SRPK2: variants seen among roughly 807,000 people sequenced by gnomAD.
The protein encoded by SRPK2 is SRSF protein kinase 2, also known as SFRS protein kinase 2.
Under a neutral mutation model 90.8 loss-of-function variants are expected in SRPK2, and 21 were observed. The observed-to-expected ratio is 0.23, with a 90% CI of 0.16 to 0.33. The LOEUF (loss-of-function observed/expected upper bound fraction) is 0.33, where lower values mean the gene tolerates loss of function less well. Among genes scored for constraint, SRPK2 ranks in the 10% least tolerant of loss-of-function variants. SRPK2 has a pLI of 1.00. For missense variants in SRPK2, 620 were observed against 869.0 expected (o/e 0.71, Z 3.60); for synonymous variants, 288 against 311.1 (o/e 0.93, Z 0.78).
chr7:105,315,421 G>T (rs559124959), intron 2 of SRPK2, among the ~76,000 whole-genome samples: 2 of 152,336 alleles, frequency 1.3e-5, no homozygotes, highest in South Asian at 4.1e-4. Flanking sequence ...AGCTGAACTA[G>T]ATAAGTGGTT....
chr7:105,193,601 C>G (rs1253551016), intron 3 of SRPK2, among the ~76,000 whole-genome samples: 1 of 152,014 alleles, frequency 6.6e-6, no homozygotes, highest in Non-Finnish European at 1.5e-5. Flanking sequence ...GGAATTGCAC[C>G]GAATTTGTAG....
chr7:105,391,582 G>A (rs1353874631), upstream of SRPK2, among the ~76,000 whole-genome samples: 2 of 152,100 alleles, frequency 1.3e-5, no homozygotes, highest in African/African-American at 4.8e-5. Context: ...GGCTGAGGCT[G>A]GAGGATCATC....
intron 7 of SRPK2, among the ~76,000 whole-genome samples, chr7:105,150,082 G>A (rs1805410850): frequency 6.6e-6 from 1 of 152,078 alleles, no homozygotes; most frequent in African/African-American, 2.4e-5. Flanking sequence ...CATGGGCATG[G>A]CAAATATGAT....
At chr7:105,372,522 C>A (rs1171418600) in intron 2 of SRPK2, among the ~76,000 whole-genome samples, 3 of 152,080 alleles carry the variant, frequency 2.0e-5, no homozygotes, top group South Asian at 2.1e-4. Flanking sequence ...TGGAGACATA[C>A]ACAACAACCA....
At chr7:105,243,084 C>G (rs1801034907) in intron 2 of SRPK2, among the ~76,000 whole-genome samples, 1 of 152,160 alleles carries the variant, frequency 6.6e-6, no homozygotes, top group African/African-American at 2.4e-5. Context: ...TCACCGTAGA[C>G]TCCAACTCCT....
intron 2 of SRPK2, among the ~76,000 whole-genome samples, chr7:105,308,620 C>CT (rs1307523791): frequency 6.6e-6 from 1 of 152,150 alleles, no homozygotes; most frequent in African/African-American, 2.4e-5. Context: ...TCTGCAGTTC[C>CT]TAAAGCACCC....
chr7:105,213,492 C>T (rs982040351), intron 2 of SRPK2, among the ~76,000 whole-genome samples: 2 of 151,396 alleles, frequency 1.3e-5, no homozygotes, highest in Non-Finnish European at 1.5e-5. Flanking sequence ...AGGGAAGAGC[C>T]CAGTTCAAAG....
intron 3 of SRPK2, among the ~76,000 whole-genome samples, chr7:105,178,278 A>G (rs897325350): frequency 1.3e-5 from 2 of 152,238 alleles, no homozygotes; most frequent in African/African-American, 2.4e-5. Flanking sequence ...AGCACTTAGT[A>G]GCAACCAAAA....
rs1226288339 is a variant in SRPK2 at position 105,174,136 on chromosome 7, A to C, written c.230-4871T>G. On this transcript the variant is annotated intron_variant, in intron 3 of 15. Coordinates refer to ENST00000393651, the MANE Select transcript of SRPK2 (RefSeq NM_182692.3). ...ACAAACACAAAGAGAACAAGAACAA[A>C]CTGTTAAGTAACCATTAAATTCATT... is the stretch of plus-strand genomic sequence containing the variant. Among the ~76,000 whole-genome samples the C allele has an allele frequency of 4.0e-5, 6 of 151,776 alleles. No homozygotes were observed. In the East Asian group the frequency reaches 1.2e-3, roughly 29 times the overall value.
At chr7:105,350,352 G>A (rs557482861) in intron 2 of SRPK2, among the ~76,000 whole-genome samples, 12 of 150,304 alleles carry the variant, frequency 8.0e-5, no homozygotes, top group African/African-American at 2.0e-4. Flanking sequence ...GGATGTTCTC[G>A]ATCTCCTGAA....
At chr7:105,397,941 C>T (rs1822377234) in intron 1 of SRPK2, among the ~76,000 whole-genome samples, 1 of 152,146 alleles carries the variant, frequency 6.6e-6, no homozygotes, top group South Asian at 2.1e-4. Flanking sequence ...AACCACCGCA[C>T]CCAACCGGTT....
intron 2 of SRPK2, among the ~76,000 whole-genome samples, chr7:105,343,877 C>T (rs1816128057): frequency 6.6e-6 from 1 of 152,110 alleles, no homozygotes; most frequent in African/African-American, 2.4e-5. Context: ...ATTCTCCTGC[C>T]TCAGCCTCCC....
chr7:105,194,933 C>A (rs1412208017), intron 3 of SRPK2, among the ~76,000 whole-genome samples: 3 of 152,134 alleles, frequency 2.0e-5, no homozygotes, highest in Non-Finnish European at 2.9e-5. Context: ...GGGAACAAGT[C>A]TTCTCGATAA....
intron 9 of SRPK2, 29 bp from the exon 10 acceptor site, chr7:105,143,359 ATTC>A (rs752989327): frequency 7.5e-6 from 12 of 1,595,396 alleles, no homozygotes; most frequent in Admixed American, 7.1e-5. Flanking sequence ...ACAGGTCAGT[ATTC>A]TTCTTTTTAA....
intron 2 of SRPK2, among the ~76,000 whole-genome samples, chr7:105,230,549 T>A (rs1394470572): frequency 6.6e-6 from 1 of 152,230 alleles, no homozygotes; most frequent in Admixed American, 6.5e-5. Flanking sequence ...TAAAAAGATT[T>A]ACCCAGAGAC....
chr7:105,158,344 T>G (rs1279019695), intron 7 of SRPK2, among the ~76,000 whole-genome samples: 2 of 151,290 alleles, frequency 1.3e-5, no homozygotes, highest in Non-Finnish European at 2.9e-5. Context: ...AACCTCCACC[T>G]CCCGGGTTCA....
At chr7:105,128,759 C>T (rs538640492) in intron 13 of SRPK2, among the ~76,000 whole-genome samples, 10 of 152,292 alleles carry the variant, frequency 6.6e-5, no homozygotes, top group East Asian at 5.8e-4. Flanking sequence ...GAAGGGACCT[C>T]GCTATGTTGT....
At chr7:105,134,477 T>C (rs1802505961) in intron 11 of SRPK2, among the ~76,000 whole-genome samples, 1 of 152,252 alleles carries the variant, frequency 6.6e-6, no homozygotes. Flanking sequence ...CCTGTTTTCT[T>C]TATAAACTAC....
At chr7:105,376,043 G>A (rs979851663) in intron 2 of SRPK2, among the ~76,000 whole-genome samples, 3 of 125,654 alleles carry the variant, frequency 2.4e-5, no homozygotes, top group African/African-American at 9.0e-5. Flanking sequence ...ACCCAGGCTG[G>A]AGTGCAGTGT....
Sources: gnomAD v4.1 joint callset for allele counts (sites outside exome capture counted in the v4.1 genomes callset) on GRCh38, gnomAD v4.1.1 for gene constraint, MANE v1.5 for transcripts, NCBI Gene and HGNC (gene_info 2026-07-23, HGNC 2026-07-21) for gene names.